HEATR5B: variants seen among roughly 807,000 people sequenced by gnomAD.
HEATR5B encodes the protein HEAT repeat-containing protein 5B.
In HEATR5B, 156 loss-of-function variants were observed where a neutral mutation model predicts 224.1. The ratio of observed to expected loss-of-function variants is 0.70; its 90% CI spans 0.61 to 0.80. HEATR5B has a LOEUF of 0.80. HEATR5B is among the 30% of genes least tolerant of loss of function. The pLI is 0.00. For synonymous variants in HEATR5B, 1,027 were observed against 893.0 expected, an observed-to-expected ratio of 1.15 and a Z score of -2.68; for missense variants, 2,323 against 2,535.5, an observed-to-expected ratio of 0.92 and a Z score of 1.80.
At chr2:36,998,050 C>T (rs1666845260) in intron 33 of HEATR5B, among the ~76,000 whole-genome samples, 1 of 152,166 alleles carries the variant, frequency 6.6e-6, no homozygotes, top group Admixed American at 6.5e-5. Context: ...TCATATATTA[C>T]ATTCTCACAT....
At chr2:37,065,165 T>A (rs916261702) in intron 9 of HEATR5B, among the ~76,000 whole-genome samples, 175 bp from the exon 10 acceptor site, 2 of 152,206 alleles carry the variant, frequency 1.3e-5, no homozygotes, top group Non-Finnish European at 2.9e-5. Context: ...ACATTTTCTA[T>A]GAAGAACATA....
intron 4 of HEATR5B, 169 bp from the exon 5 acceptor site, chr2:37,075,803 AAGAATAGT>A (rs1672193980): frequency 2.3e-6 from 1 of 442,746 alleles, no homozygotes; most frequent in African/African-American, 2.0e-5. Context: ...CCTGGCAAGT[AAGAATAGT>A]CAATTAAATA....
At chr2:36,989,776 C>A (rs1666195108) in intron 34 of HEATR5B, among the ~76,000 whole-genome samples, 1 of 151,660 alleles carries the variant, frequency 6.6e-6, no homozygotes, top group East Asian at 1.9e-4. Flanking sequence ...TGGTAGAACA[C>A]AAGTGGCTAA....
In HEATR5B at chr2:37,077,212, A is replaced by T. The variant is rs140264953; in HGVS notation, c.339-193T>A. Among the ~76,000 whole-genome samples, 291 of 152,362 alleles carry T rather than the reference A, an allele frequency of 1.9e-3. 1 individual carries two copies. The East Asian group carries it at 0.036, about 19-fold the overall frequency. ...TCTATTTACACTGTATTCTTGTTAA[A>T]TACTATAGTTAAATTGTATTCTTGT... On this transcript the variant is annotated intron_variant, in intron 3 of 35. Coordinates refer to ENST00000233099, the MANE Select transcript of HEATR5B (RefSeq NM_019024.3).
intron 2 of HEATR5B, among the ~76,000 whole-genome samples, chr2:37,081,549 G>A (rs17020185): frequency 5.3e-5 from 8 of 152,116 alleles, no homozygotes; most frequent in African/African-American, 1.9e-4. Context: ...AAGAGATCAC[G>A]GTTTTTTTAA....
intron 27 of HEATR5B, among the ~76,000 whole-genome samples, chr2:37,010,141 C>T (rs916765344): frequency 6.6e-6 from 1 of 152,038 alleles, no homozygotes; most frequent in Admixed American, 6.6e-5. Flanking sequence ...TACATTTAGG[C>T]TTTGGCTACT....
chr2:36,990,639 G>A lies in HEATR5B; in HGVS notation c.5697+9C>T. ...GTTTTTATCTATGTCTGTGTAACGTGTAACTTACCCATGGGTCGCATGAAT... is the reference window on the plus strand; with the variant it reads ...GTTTTTATCTATGTCTGTGTAACGTATAACTTACCCATGGGTCGCATGAAT... On this transcript the variant is annotated intron_variant, in intron 34 of 35. Transcript: ENST00000233099. 6.4e-7 allele frequency: 1 copy of A among 1,553,968 alleles called. No homozygotes were observed. Among genetic ancestry groups the A allele is most frequent in the Non-Finnish European group, 8.7e-7 (1 of 1,146,826 alleles).
chr2:37,028,160 T>C lies in HEATR5B; in HGVS notation c.3616A>G (p.Thr1206Ala). The C allele has an allele frequency of 1.2e-6, 2 of 1,603,258 alleles. No individual in the cohort carries two copies. Among genetic ancestry groups the C allele is most frequent in the Non-Finnish European group, 1.7e-6 (2 of 1,170,372 alleles). ...TCATCTTTTCCACTACTTAAGAGAG[T>C]TGCAGTACTCATATCTATAACAAGA... The part of the protein sequence containing the change: ...LAASSDMSTA[T>A]LLSSGKDEEA... Residue 1206 changes from threonine (T) to alanine (A), a missense_variant, in exon 24 of 36, where the codon ACT becomes GCT. By Grantham distance (58) the Thr-to-Ala change is moderately conservative. Coordinates refer to ENST00000233099, the MANE Select transcript of HEATR5B (RefSeq NM_019024.3).
intron 1 of HEATR5B, 47 bp downstream of exon 1, chr2:37,084,222 C>T (rs1572968360): frequency 8.2e-6 from 3 of 365,658 alleles, no homozygotes; most frequent in Non-Finnish European, 1.5e-5. Flanking sequence ...AAATGTACGT[C>T]GGACAGGAGT....
chr2:37,039,713 C>T (rs1013724925), intron 20 of HEATR5B, among the ~76,000 whole-genome samples: 1 of 152,124 alleles, frequency 6.6e-6, no homozygotes, highest in African/African-American at 2.4e-5. Context: ...TTTATATATT[C>T]AGGATATCTT....
intron 26 of HEATR5B, among the ~76,000 whole-genome samples, chr2:37,016,342 A>G (rs947846488): frequency 2.6e-5 from 4 of 151,960 alleles, no homozygotes; most frequent in African/African-American, 9.7e-5. Context: ...TGATCTCCTG[A>G]CCTCGTGATC....
intron 7 of HEATR5B, among the ~76,000 whole-genome samples, 181 bp from the exon 8 acceptor site, chr2:37,069,111 G>A (rs970010991): frequency 1.3e-5 from 2 of 152,176 alleles, no homozygotes; most frequent in African/African-American, 4.8e-5. Flanking sequence ...TATTAGTGAA[G>A]TATCTTTGAC....
chr2:37,008,781 G>C lies in HEATR5B; in HGVS notation c.4352C>G (p.Thr1451Ser). The change falls in exon 28 of 36, where the codon ACT becomes AGT. Residue 1451 changes from threonine to serine, a missense_variant. By Grantham distance (58) the Thr-to-Ser change is moderately conservative. Around this residue, in one of 12 missense-constraint regions of HEATR5B, gnomAD observed 844 missense variants for 812.9 expected, o/e 1.04. Transcript: ENST00000233099. ...ACCACAGTCGTCATCATCATCGTCAGTATTTTTAATTGCTCTTTTTGGTTT... is the reference window on the plus strand; with the variant it reads ...ACCACAGTCGTCATCATCATCGTCACTATTTTTAATTGCTCTTTTTGGTTT... ...ESKPKRAIKN[T>S]DDDDDDCGTI... 3.1e-6 allele frequency: 5 copies of C among 1,613,938 alleles called. No individual in the cohort carries two copies. The highest frequency in any genetic ancestry group is 4.2e-6 in the Non-Finnish European group (5 of 1,179,936).
intron 9 of HEATR5B, 131 bp downstream of exon 9, chr2:37,065,624 T>TA: frequency 1.2e-6 from 1 of 809,534 alleles, no homozygotes. Flanking sequence ...CAATGAATAT[T>TA]AATTTAAGTA....
chr2:37,056,577 C>T lies in HEATR5B; in HGVS notation c.2262G>A (p.Glu754=). The change falls in exon 16 of 36, where the codon GAG becomes GAA. Residue 754 remains glutamate, a synonymous_variant. Coordinates refer to ENST00000233099, the MANE Select transcript of HEATR5B (RefSeq NM_019024.3). ...PNSASGSGAL[E]HDPSSIYLRI... The stretch of plus-strand genomic sequence containing the variant: ...GTAAATAAATAGAGGAAGGATCATG[C>T]TCCAGAGCCCCACTTCCAGAGGCAC... 2.5e-6 allele frequency: 4 copies of T among 1,609,586 alleles called. No individual in the cohort carries two copies. In the South Asian group the frequency reaches 4.4e-5, roughly 18 times the overall value.
chr2:36,995,931 G>A (rs148618267), intron 33 of HEATR5B, among the ~76,000 whole-genome samples: 1 of 152,138 alleles, frequency 6.6e-6, no homozygotes, highest in African/African-American at 2.4e-5. Context: ...TTTTGCCCAG[G>A]CTGGAGTGCA....
Position 37,075,561 on chromosome 2 carries a change from G to C in HEATR5B, c.521C>G (p.Ser174Cys), listed in dbSNP as rs775804814. 6.2e-6 allele frequency: 10 copies of C among 1,613,750 alleles called. No homozygotes were observed. In the African/African-American group the frequency reaches 1.1e-4, roughly 17 times the overall value. ...GGCATTCTTGTAAATATCACGATGG[G>C]AGGAAGCTGCTGCACCACCCAGTCC... ...LSGLGGAAAS[S>C]HRDIYKNARS... The change falls in exon 5 of 36, where the codon TCC (serine) becomes TGC (cysteine). Residue 174 changes from serine to cysteine, a missense_variant. Physicochemically the swap from Ser to Cys is moderately radical, Grantham distance 112. Coordinates refer to ENST00000233099, the MANE Select transcript of HEATR5B (RefSeq NM_019024.3).
intron 24 of HEATR5B, 52 bp downstream of exon 24, chr2:37,027,871 T>C: frequency 1.9e-6 from 3 of 1,574,430 alleles, no homozygotes; most frequent in Admixed American, 3.6e-5. Context: ...AGCAGCAAAA[T>C]GTCTCAAGGT....
intron 14 of HEATR5B, 31 bp from the exon 15 acceptor site, chr2:37,057,511 A>G (rs556931508): frequency 1.1e-5 from 16 of 1,510,992 alleles, no homozygotes; most frequent in South Asian, 7.6e-5. Context: ...TCAGATTAAA[A>G]AGAATAATTT....
Sources: gnomAD v4.1 joint callset for allele counts (sites outside exome capture counted in the v4.1 genomes callset) on GRCh38, gnomAD v4.1.1 for gene constraint, gnomAD v4.1.1 regional missense constraint, MANE v1.5 for transcripts, NCBI Gene and HGNC (gene_info 2026-07-23, HGNC 2026-07-21) for gene names.